The following MYO3B variants were observed in gnomAD, a reference collection of about 807,000 sequenced individuals.
The protein encoded by MYO3B is myosin-IIIb.
Under a neutral mutation model 174.6 loss-of-function variants are expected in MYO3B, and 156 were observed. The ratio of observed to expected loss-of-function variants is 0.89; its 90% CI spans 0.78 to 1.02. MYO3B has a LOEUF of 1.02. Ranked by LOEUF, MYO3B falls within the 50% of genes least tolerant of loss-of-function variation. The pLI, the probability that MYO3B is intolerant of heterozygous loss-of-function variation, is 0.00. For missense variants in MYO3B, 1,632 were observed against 1,639.4 expected (o/e 1.00, Z 0.08); for synonymous variants, 563 against 569.1 (o/e 0.99, Z 0.15).
intron 7 of MYO3B, among the ~76,000 whole-genome samples, chr2:170,284,593 A>C (rs1381863456): frequency 6.6e-6 from 1 of 152,174 alleles, no homozygotes; most frequent in Non-Finnish European, 1.5e-5. Flanking sequence ...GGAAAATATA[A>C]AAGAATGTAT....
intron 32 of MYO3B, among the ~76,000 whole-genome samples, chr2:170,617,501 TAG>T (rs1423461494): frequency 5.3e-5 from 8 of 152,230 alleles, no homozygotes; most frequent in Non-Finnish European, 1.2e-4. Context: ...GGACTCCATA[TAG>T]AGAGTATATA....
rs138983438 is a variant in MYO3B, at chr2:170,373,291, C to T, written c.971+3914C>T. On this transcript the variant is annotated intron_variant, in intron 9 of 34. Transcript: ENST00000408978. ...GCAATCATGTAGAAATTGCAAGACACGTCTTCATAGTCTATCAAATGCAAT... is the reference window on the plus strand; with the variant it reads ...GCAATCATGTAGAAATTGCAAGACATGTCTTCATAGTCTATCAAATGCAAT... 5.3e-5 allele frequency among the ~76,000 whole-genome samples: 8 copies of T among 152,316 alleles called. No homozygotes were observed. In the East Asian group the frequency reaches 7.7e-4, roughly 15 times the overall value.
In MYO3B at chr2:170,326,614, T is replaced by C. The variant is rs549926240; in HGVS notation, c.750-8771T>C. Among the ~76,000 whole-genome samples, 4 of 152,366 alleles carry C rather than the reference T, an allele frequency of 2.6e-5. No homozygotes were observed. In the South Asian group the frequency reaches 6.2e-4, roughly 24 times the overall value. On this transcript the variant is annotated intron_variant, in intron 7 of 34. Coordinates refer to ENST00000408978, the MANE Select transcript of MYO3B (RefSeq NM_138995.5). ...TCTCTATTGACATGGCACCTTCTAT[T>C]GTCCTTGACTTTCTCCTGCACTCTT...
At chr2:170,308,648 T>A (rs566611436) in intron 7 of MYO3B, among the ~76,000 whole-genome samples, 19 of 152,158 alleles carry the variant, frequency 1.2e-4, no homozygotes, top group Admixed American at 7.2e-4. Flanking sequence ...TAATTTCTCA[T>A]CTTTCTCCCC....
chr2:170,248,712 T>TC (rs1204079851), intron 7 of MYO3B, among the ~76,000 whole-genome samples: 1 of 152,092 alleles, frequency 6.6e-6, no homozygotes. Flanking sequence ...TACCTCCCTC[T>TC]CCCCCAATTT....
At chr2:170,224,729 TC>T (rs2092933853) in intron 6 of MYO3B, among the ~76,000 whole-genome samples, 1 of 152,156 alleles carries the variant, frequency 6.6e-6, no homozygotes. Context: ...CAGAAAATTC[TC>T]CCCCTCTTTA....
At chr2:170,277,737 T>C (rs1171954255) in intron 7 of MYO3B, among the ~76,000 whole-genome samples, 2 of 152,170 alleles carry the variant, frequency 1.3e-5, no homozygotes, top group Non-Finnish European at 2.9e-5. Context: ...AATAAATGTC[T>C]TACAGAGAAT....
intron 30 of MYO3B, among the ~76,000 whole-genome samples, chr2:170,529,499 A>T (rs908008223): frequency 6.7e-6 from 1 of 148,420 alleles, no homozygotes; most frequent in African/African-American, 2.5e-5. Flanking sequence ...ATTTATATCT[A>T]CGTCTCTAAA....
In MYO3B at chr2:170,401,693, C is replaced by A; in HGVS notation, c.2129+2C>A. On this transcript the variant is annotated splice_donor_variant, in intron 18 of 34. Coordinates refer to ENST00000408978, the MANE Select transcript of MYO3B (RefSeq NM_138995.5). LOFTEE classifies it high-confidence loss of function. ...CCTGCAGCCAGACGAAAACATATGG[C>A]AAGTTCCTCGGAGAGCAGAGGGTCT... The A allele has an allele frequency of 6.2e-7, 1 of 1,612,940 alleles. No individual in the cohort carries two copies. The highest frequency in any genetic ancestry group is 8.5e-7 in the Non-Finnish European group (1 of 1,179,888).
intron 23 of MYO3B, among the ~76,000 whole-genome samples, chr2:170,447,600 T>G (rs377566136): frequency 2.6e-5 from 4 of 152,244 alleles, no homozygotes; most frequent in African/African-American, 9.6e-5. Flanking sequence ...CAGACTTTTA[T>G]TTTATAAGTT....
rs181456185 is a variant in MYO3B at position 170,634,228 on chromosome 2, C to T, written c.3734-17400C>T. Among the ~76,000 whole-genome samples, 54 of 152,306 alleles carry T rather than the reference C, an allele frequency of 3.5e-4. 1 individual carries two copies. The highest frequency in any genetic ancestry group is 6.8e-3 in the Middle Eastern group (2 of 294). On this transcript the variant is annotated intron_variant, in intron 32 of 34. Coordinates refer to ENST00000408978, the MANE Select transcript of MYO3B (RefSeq NM_138995.5). ...CCGGACTTCAAACAATACTACAAGGCTACAGTAACCAAAACAGCATGGTAC... is the reference window on the plus strand; with the variant it reads ...CCGGACTTCAAACAATACTACAAGGTTACAGTAACCAAAACAGCATGGTAC...
At chr2:170,639,018 T>C (rs1337917671) in intron 32 of MYO3B, among the ~76,000 whole-genome samples, 3 of 152,194 alleles carry the variant, frequency 2.0e-5, no homozygotes, top group Non-Finnish European at 4.4e-5. Flanking sequence ...GAGGCAGAGC[T>C]GGAGACGAGT....
chr2:170,630,950 G>C (rs1242440137), intron 32 of MYO3B, among the ~76,000 whole-genome samples: 1 of 152,206 alleles, frequency 6.6e-6, no homozygotes, highest in Non-Finnish European at 1.5e-5. Flanking sequence ...AAGATGGGAA[G>C]ATACCAGAGT....
intron 6 of MYO3B, among the ~76,000 whole-genome samples, chr2:170,230,231 G>T (rs933879311): frequency 2.0e-5 from 3 of 147,220 alleles, no homozygotes; most frequent in African/African-American, 7.5e-5. Context: ...GTGCAGTGGA[G>T]TGATCTTGGC....
chr2:170,190,217 T>C (rs2092523209), intron 1 of MYO3B, among the ~76,000 whole-genome samples: 1 of 152,156 alleles, frequency 6.6e-6, no homozygotes, highest in Admixed American at 6.5e-5. Flanking sequence ...GTCTCTCTCT[T>C]TCCTGAGCTG....
At chr2:170,412,109 G>A (rs2094549441) in intron 22 of MYO3B, 1 of 152,192 alleles carries the variant, frequency 6.6e-6, no homozygotes, top group Non-Finnish European at 1.5e-5. Context: ...TTTTCAAACT[G>A]AATGATCTAG....
intron 32 of MYO3B, among the ~76,000 whole-genome samples, chr2:170,598,699 A>G (rs1357743050): frequency 1.3e-5 from 2 of 152,116 alleles, no homozygotes; most frequent in African/African-American, 4.8e-5. Context: ...TGGGCTCTGG[A>G]CTTACATGGC....
intron 32 of MYO3B, among the ~76,000 whole-genome samples, chr2:170,604,604 C>T (rs1008632070): frequency 1.3e-5 from 2 of 152,088 alleles, no homozygotes; most frequent in Admixed American, 6.5e-5. Flanking sequence ...TAGAGAGGAA[C>T]AATAATTCTT....
intron 9 of MYO3B, among the ~76,000 whole-genome samples, chr2:170,374,243 G>A (rs1352447264): frequency 6.6e-6 from 1 of 152,162 alleles, no homozygotes; most frequent in East Asian, 1.9e-4. Context: ...AGGGAATCGA[G>A]GTTAGTAGAA....
Sources: allele counts gnomAD v4.1 joint callset (sites outside exome capture counted in the v4.1 genomes callset), GRCh38; gene constraint gnomAD v4.1.1; transcripts MANE v1.5; gene names NCBI Gene and HGNC (gene_info 2026-07-23, HGNC 2026-07-21).